VWA8: variants seen among roughly 807,000 people sequenced by gnomAD.
The protein encoded by VWA8 is von Willebrand factor A domain-containing protein 8.
A neutral mutation model predicts 241.5 loss-of-function variants in VWA8; 221 were observed. The observed-to-expected ratio is 0.91, with a 90% CI of 0.82 to 1.02. The LOEUF is 1.02. Ranked by LOEUF, VWA8 falls within the 50% of genes least tolerant of loss-of-function variation. VWA8 has a pLI of 0.00. For missense variants in VWA8, 2,322 were observed against 2,328.7 expected, an observed-to-expected ratio of 1.00 and a Z score of 0.06; for synonymous variants, 852 against 827.1, an observed-to-expected ratio of 1.03 and a Z score of -0.52.
At chr13:41,725,631 G>A (rs1401246685) in intron 24 of VWA8, among the ~76,000 whole-genome samples, 2 of 152,242 alleles carry the variant, frequency 1.3e-5, no homozygotes, top group East Asian at 3.9e-4. Context: ...AGGGGTAGAT[G>A]ACAAAACAAG....
chr13:41,958,926 A>C (rs1878465322), intron 1 of VWA8, among the ~76,000 whole-genome samples: 1 of 152,256 alleles, frequency 6.6e-6, no homozygotes, highest in Non-Finnish European at 1.5e-5. Flanking sequence ...TATATAATAC[A>C]GACTTTAAAA....
chr13:41,626,578 T>C (rs2139671222), intron 37 of VWA8, among the ~76,000 whole-genome samples: 1 of 152,152 alleles, frequency 6.6e-6, no homozygotes, highest in East Asian at 1.9e-4. Context: ...GACACATACA[T>C]TAATGGAGCA....
intron 21 of VWA8, among the ~76,000 whole-genome samples, chr13:41,758,369 CATAT>C (rs374621428): frequency 0.046 from 3,328 of 72,760 alleles, 136 homozygotes; most frequent in East Asian, 0.12. Flanking sequence ...TAGATACTAG[CATAT>C]ATATATATAT....
chr13:41,936,542 TG>T (rs1299658013), intron 2 of VWA8, among the ~76,000 whole-genome samples: 1 of 152,194 alleles, frequency 6.6e-6, no homozygotes, highest in Non-Finnish European at 1.5e-5. Flanking sequence ...GTGACTAAAT[TG>T]CCACATGGAT....
At position 41,844,537 on chromosome 13, in the gene VWA8, T is replaced by C. The variant is rs181677490; in HGVS notation, c.1426-11006A>G. Among the ~76,000 whole-genome samples, 278 of 152,208 alleles carry C rather than the reference T, an allele frequency of 1.8e-3. 1 individual carries two copies. Among genetic ancestry groups the C allele is most frequent in the African/African-American group, 6.4e-3 (266 of 41,544 alleles). ...AATAAAAGGCATCCAAATAGGAAGA[T>C]AGGAAATCAAACTATTTCTCTTCCC... On this transcript the variant is annotated intron_variant, in intron 12 of 44. Coordinates refer to ENST00000379310, the MANE Select transcript of VWA8 (RefSeq NM_015058.2).
At chr13:41,898,926 C>T (rs1875286121) in intron 4 of VWA8, among the ~76,000 whole-genome samples, 2 of 152,278 alleles carry the variant, frequency 1.3e-5, no homozygotes, top group African/African-American at 4.8e-5. Context: ...GGCCCGCAAG[C>T]GCCGCGCGCA....
chr13:41,927,962 T>C (rs1404082175), intron 2 of VWA8, among the ~76,000 whole-genome samples: 2 of 152,128 alleles, frequency 1.3e-5, no homozygotes, highest in African/African-American at 4.8e-5. Flanking sequence ...TATACTAATA[T>C]CTAATAAAAT....
intron 30 of VWA8, 57 bp downstream of exon 30, chr13:41,692,805 G>T: frequency 7.1e-7 from 1 of 1,412,296 alleles, no homozygotes; most frequent in Non-Finnish European, 9.9e-7. Flanking sequence ...GCATCTTTCT[G>T]GTTAGAAAGC....
chr13:41,768,840 C>A (rs1458010707), intron 20 of VWA8, among the ~76,000 whole-genome samples: 2 of 151,502 alleles, frequency 1.3e-5, no homozygotes, highest in Non-Finnish European at 2.9e-5. Context: ...GGCACATCAA[C>A]TAAATTCAAT....
intron 26 of VWA8, among the ~76,000 whole-genome samples, chr13:41,710,714 A>G (rs1359141988): frequency 2.0e-5 from 3 of 152,360 alleles, no homozygotes; most frequent in Non-Finnish European, 2.9e-5. Flanking sequence ...ATGACATATA[A>G]TAATTCGGGA....
At chr13:41,849,757 G>C (rs563547677) in intron 12 of VWA8, among the ~76,000 whole-genome samples, 1 of 152,036 alleles carries the variant, frequency 6.6e-6, no homozygotes, top group Non-Finnish European at 1.5e-5. Context: ...CACGATGGCA[G>C]GTGCCTGTAA....
At chr13:41,627,225 C>T (rs924553665) in intron 37 of VWA8, among the ~76,000 whole-genome samples, 4 of 152,164 alleles carry the variant, frequency 2.6e-5, no homozygotes, top group African/African-American at 9.7e-5. Flanking sequence ...ACATCTCACA[C>T]CAGTCAGAAT....
intron 20 of VWA8, among the ~76,000 whole-genome samples, chr13:41,772,744 G>T (rs560377428): frequency 5.9e-5 from 9 of 152,244 alleles, no homozygotes; most frequent in African/African-American, 2.2e-4. Context: ...ATAAGGGGCA[G>T]GCTACTTTAT....
At chr13:41,614,925 G>T in intron 38 of VWA8, 51 bp downstream of exon 38, 2 of 1,587,062 alleles carry the variant, frequency 1.3e-6, no homozygotes, top group Non-Finnish European at 1.7e-6. Flanking sequence ...GGCCTAATGG[G>T]CTTGGGAAAC....
At chr13:41,742,222 T>C (rs755094787) in intron 21 of VWA8, among the ~76,000 whole-genome samples, 8 of 152,150 alleles carry the variant, frequency 5.3e-5, no homozygotes, top group African/African-American at 9.7e-5. Context: ...AGAGACAGGA[T>C]TGGAGAAGAT....
chr13:41,691,769 T>C (rs544971152), intron 31 of VWA8, 105 bp downstream of exon 31: 23 of 908,382 alleles, frequency 2.5e-5, no homozygotes, highest in Non-Finnish European at 3.1e-5. Flanking sequence ...AAAACATTCA[T>C]AATTTGGTTA....
At chr13:41,864,366 C>T (rs1196007177) in intron 12 of VWA8, among the ~76,000 whole-genome samples, 1 of 152,114 alleles carries the variant, frequency 6.6e-6, no homozygotes, top group East Asian at 1.9e-4. Flanking sequence ...TTGTATACCA[C>T]TGTTCACAGC....
chr13:41,769,154 A>G (rs1411079554), intron 20 of VWA8, among the ~76,000 whole-genome samples: 1 of 152,224 alleles, frequency 6.6e-6, no homozygotes. Flanking sequence ...GCATCCGCCT[A>G]CCTCGGACTC....
In VWA8 at chr13:41,868,333, T is replaced by C. The variant is rs779912960; in HGVS notation, c.1212+13A>G. 1 of 1,613,480 alleles carries C rather than the reference T, an allele frequency of 6.2e-7. No individual in the cohort carries two copies. Among genetic ancestry groups the C allele is most frequent in the South Asian group, 1.1e-5 (1 of 90,838 alleles). Reference sequence around the variant, plus strand: ...AGGTATATCATAGAAAGAATAAACCTGTGATTAATTACCTTAATGGTCACC... The same window carrying C: ...AGGTATATCATAGAAAGAATAAACCCGTGATTAATTACCTTAATGGTCACC... On this transcript the variant is annotated intron_variant, in intron 10 of 44. Coordinates refer to ENST00000379310, the MANE Select transcript of VWA8 (RefSeq NM_015058.2).
Sources: allele counts gnomAD v4.1 joint callset (sites outside exome capture counted in the v4.1 genomes callset), GRCh38; gene constraint gnomAD v4.1.1; transcripts MANE v1.5; gene names NCBI Gene and HGNC (gene_info 2026-07-23, HGNC 2026-07-21).